PMFBP1: variants seen among roughly 807,000 people sequenced by gnomAD.
PMFBP1 encodes polyamine-modulated factor 1-binding protein 1.
Under a neutral mutation model 137.8 loss-of-function variants are expected in PMFBP1, and 131 were observed. The ratio of observed to expected loss-of-function variants is 0.95; its 90% CI spans 0.82 to 1.10. PMFBP1 has a LOEUF of 1.10. Among genes scored for constraint, PMFBP1 ranks in the 50% least tolerant of loss-of-function variants. The probability of loss-of-function intolerance (pLI) is 0.00; values close to 1 mark genes in which losing one functional copy is unlikely to be tolerated. For missense variants in PMFBP1, 1,199 were observed against 1,175.4 expected (o/e 1.02, Z -0.29); for synonymous variants, 490 against 450.4 (o/e 1.09, Z -1.11).
chr16:72,243,712 C>T, the PMFBP1 span, among the ~76,000 whole-genome samples: 1 of 152,166 alleles, frequency 6.6e-6, no homozygotes, highest in East Asian at 1.9e-4. Flanking sequence ...CAGAGACCTA[C>T]TCATGTTTGT....
chr16:72,128,405 T>C, intron 14 of PMFBP1: 1 of 1,436,682 alleles, frequency 7.0e-7, no homozygotes, highest in Non-Finnish European at 9.1e-7. Context: ...ATTGGAAGAC[T>C]TGATGCCAAA....
chr16:72,197,910 C>T, the PMFBP1 span, among the ~76,000 whole-genome samples: 1 of 152,082 alleles, frequency 6.6e-6, no homozygotes, highest in African/African-American at 2.4e-5. Flanking sequence ...CCAACTTGTC[C>T]CCTCCCTGAC....
At chr16:72,249,770 A>C in the PMFBP1 span, among the ~76,000 whole-genome samples, 1 of 151,416 alleles carries the variant, frequency 6.6e-6, no homozygotes, top group Admixed American at 6.6e-5. Context: ...CAAAAAAAAA[A>C]AATACCTGGG....
At chr16:72,177,625 C>T (rs1199651605), upstream of PMFBP1, among the ~76,000 whole-genome samples, 2 of 152,158 alleles carry the variant, frequency 1.3e-5, no homozygotes, top group Non-Finnish European at 1.5e-5. Flanking sequence ...CATGATGATA[C>T]GATGATCAAA....
the PMFBP1 span, among the ~76,000 whole-genome samples, chr16:72,234,003 C>A: frequency 6.6e-6 from 1 of 152,116 alleles, no homozygotes; most frequent in Non-Finnish European, 1.5e-5. Context: ...TGGGCTTTTT[C>A]CACTTTTGGC....
At chr16:72,182,104 T>C in the PMFBP1 span, among the ~76,000 whole-genome samples, 1 of 152,236 alleles carries the variant, frequency 6.6e-6, no homozygotes, top group East Asian at 1.9e-4. Context: ...AAGCTTCTCA[T>C]GGAGTCACTT....
chr16:72,245,996 C>A, the PMFBP1 span, among the ~76,000 whole-genome samples: 1 of 152,144 alleles, frequency 6.6e-6, no homozygotes, highest in African/African-American at 2.4e-5. Context: ...AGAATAAACA[C>A]CACCACTGCA....
intron 2 of PMFBP1, among the ~76,000 whole-genome samples, chr16:72,168,471 C>T (rs750502291): frequency 2.2e-4 from 33 of 152,172 alleles, no homozygotes; most frequent in Non-Finnish European, 3.7e-4. Context: ...AGGCTAAATT[C>T]CAGGCAGATG....
At chr16:72,128,601 G>A (rs752287482) in intron 14 of PMFBP1, 56 bp downstream of exon 14, 40 of 1,613,600 alleles carry the variant, frequency 2.5e-5, no homozygotes, top group Non-Finnish European at 3.4e-5. Flanking sequence ...ACAGATTTCA[G>A]GTCAAGGGTC....
chr16:72,123,137 C>A lies in PMFBP1; in HGVS notation c.2694-149G>T, dbSNP rs866125668. ...CATCACCCCGTCCGCAGAGCTAAGG[C>A]CTTCCTAGCACCTGGGGATTCAGAG... On this transcript the variant is annotated intron_variant, in intron 18 of 20. Coordinates refer to ENST00000237353, the MANE Select transcript of PMFBP1 (RefSeq NM_031293.3). 3 of 681,352 alleles carry A rather than the reference C, an allele frequency of 4.4e-6. No individual in the cohort carries two copies. The Middle Eastern group carries it at 1.2e-3, about 279-fold the overall frequency. The allele number at this position is 681,352 out of a possible 1,614,324, so 42.2% of individuals were successfully genotyped here.
At chr16:72,212,552 C>T in the PMFBP1 span, among the ~76,000 whole-genome samples, 1 of 151,748 alleles carries the variant, frequency 6.6e-6, no homozygotes, top group Non-Finnish European at 1.5e-5. Context: ...AACGTTTACT[C>T]TCTGGCCCTT....
chr16:72,136,541 C>G lies in PMFBP1; in HGVS notation c.1110G>C (p.Arg370Ser). 1 of 1,614,076 alleles carries G rather than the reference C, an allele frequency of 6.2e-7. No individual in the cohort carries two copies. Among genetic ancestry groups the G allele is most frequent in the African/African-American group, 1.3e-5 (1 of 75,012 alleles). ...GCAGGATGGTGATGTCCTTATCCTT[C>G]CTCTCAATGTGGGCAGATGTCTCCT... ...LREETSAHIE[R>S]KDKDITILQC... is the part of the protein sequence containing the mutation. The change falls in exon 9 of 21, where the codon AGG becomes AGC. Residue 370 changes from arginine to serine, a missense_variant. Transcript: ENST00000237353.
the PMFBP1 span, among the ~76,000 whole-genome samples, chr16:72,230,129 A>T: frequency 6.6e-6 from 1 of 152,168 alleles, no homozygotes; most frequent in Non-Finnish European, 1.5e-5. Flanking sequence ...ATCCTAACAC[A>T]TTCATTTGTG....
At chr16:72,199,296 TA>T in the PMFBP1 span, among the ~76,000 whole-genome samples, 137,457 of 152,196 alleles carry the variant, frequency 0.9, 62,271 homozygotes, top group African/African-American at 0.97. Flanking sequence ...CTTGAAGAGC[TA>T]AAGTGAAGAC....
the PMFBP1 span, among the ~76,000 whole-genome samples, chr16:72,184,062 G>A: frequency 6.6e-6 from 1 of 152,028 alleles, no homozygotes; most frequent in Admixed American, 6.6e-5. Flanking sequence ...TCTGTCCTTG[G>A]TTTCTGAGAC....
intron 15 of PMFBP1, 127 bp downstream of exon 15, chr16:72,125,841 C>T (rs776341486): frequency 3.6e-5 from 43 of 1,210,676 alleles, no homozygotes; most frequent in Non-Finnish European, 4.8e-5. Context: ...ACATCCCAGC[C>T]CACACAAGGG....
intron 19 of PMFBP1, among the ~76,000 whole-genome samples, chr16:72,122,221 A>T (rs1220230004): frequency 6.6e-6 from 1 of 152,202 alleles, no homozygotes; most frequent in African/African-American, 2.4e-5. Flanking sequence ...CCACAAAGAA[A>T]TGATCTCATT....
chr16:72,164,675 A>T (rs1315713237), intron 3 of PMFBP1, 89 bp downstream of exon 3: 15 of 1,462,628 alleles, frequency 1.0e-5, no homozygotes, highest in African/African-American at 1.4e-5. Flanking sequence ...CTGAATGAAC[A>T]GTGGAAGAAC....
chr16:72,170,575 G>C (rs1383222147), intron 2 of PMFBP1, among the ~76,000 whole-genome samples: 1 of 152,060 alleles, frequency 6.6e-6, no homozygotes, highest in East Asian at 1.9e-4. Context: ...GACCAAAAGA[G>C]CGTGCCACCA....
Sources: allele counts gnomAD v4.1 joint callset (sites outside exome capture counted in the v4.1 genomes callset), GRCh38; gene constraint gnomAD v4.1.1; transcripts MANE v1.5; gene names NCBI Gene and HGNC (gene_info 2026-07-23, HGNC 2026-07-21).